The following CAMTA1 variants were observed in gnomAD, a reference collection of about 807,000 sequenced individuals.
CAMTA1 encodes the protein calmodulin binding transcription activator 1, also known as calmodulin-binding transcription activator 1.
A neutral mutation model predicts 170.9 loss-of-function variants in CAMTA1; 27 were observed. The ratio of observed to expected loss-of-function variants is 0.16; its 90% CI spans 0.12 to 0.22. The LOEUF (loss-of-function observed/expected upper bound fraction) is 0.22, where lower values mean the gene tolerates loss of function less well. CAMTA1 is among the 10% of genes least tolerant of loss of function. The probability of loss-of-function intolerance (pLI) is 1.00; values close to 1 mark genes in which losing one functional copy is unlikely to be tolerated. For synonymous variants in CAMTA1, 833 were observed against 891.5 expected, an observed-to-expected ratio of 0.93 and a Z score of 1.17; for missense variants, 1,619 against 2,217.2, an observed-to-expected ratio of 0.73 and a Z score of 5.42.
chr1:7,237,633 C>T (rs1664127772), intron 4 of CAMTA1, among the ~76,000 whole-genome samples: 2 of 152,220 alleles, frequency 1.3e-5, no homozygotes, highest in South Asian at 2.1e-4. Context: ...ACACGCAAAA[C>T]GTCTCAAGAA....
chr1:7,460,615 C>T (rs2093062098), intron 5 of CAMTA1, among the ~76,000 whole-genome samples: 1 of 151,822 alleles, frequency 6.6e-6, no homozygotes, highest in South Asian at 2.1e-4. Context: ...CCCAGCCTGC[C>T]CCCAGTTCTG....
At chr1:7,186,228 G>C (rs1454421252) in intron 4 of CAMTA1, among the ~76,000 whole-genome samples, 2 of 152,126 alleles carry the variant, frequency 1.3e-5, no homozygotes, top group East Asian at 3.9e-4. Flanking sequence ...AAGACATTTG[G>C]GGAATCTGGG....
chr1:7,722,381 GA>G (rs2096655181), intron 11 of CAMTA1, among the ~76,000 whole-genome samples: 1 of 152,202 alleles, frequency 6.6e-6, no homozygotes. Flanking sequence ...ACACTTCGTG[GA>G]ACAGCTGTGA....
intron 6 of CAMTA1, among the ~76,000 whole-genome samples, chr1:7,613,264 C>T (rs1281115706): frequency 6.6e-6 from 1 of 152,210 alleles, no homozygotes; most frequent in African/African-American, 2.4e-5. Context: ...TCACTGACCC[C>T]CTCCCGACAC....
intron 5 of CAMTA1, among the ~76,000 whole-genome samples, chr1:7,394,873 TTTTTTTTTC>T (rs1241780755): frequency 7.2e-5 from 3 of 41,546 alleles, no homozygotes; most frequent in Non-Finnish European, 2.8e-4. Context: ...GTGGTGTTTC[TTTTTTTTTC>T]TTTTTTTTTT....
intron 3 of CAMTA1, among the ~76,000 whole-genome samples, chr1:6,961,848 G>T (rs539985655): frequency 6.6e-6 from 1 of 152,366 alleles, no homozygotes; most frequent in East Asian, 1.9e-4. Context: ...ACTAGAAGGG[G>T]CGTCTGGCTG....
chr1:7,213,889 G>A (rs916050724), intron 4 of CAMTA1, among the ~76,000 whole-genome samples: 1 of 152,132 alleles, frequency 6.6e-6, no homozygotes, highest in Non-Finnish European at 1.5e-5. Context: ...ATAGTTTGCT[G>A]AGAATGATGT....
chr1:7,591,120 T>G (rs967144256), intron 6 of CAMTA1, among the ~76,000 whole-genome samples: 1 of 152,130 alleles, frequency 6.6e-6, no homozygotes, highest in Non-Finnish European at 1.5e-5. Context: ...ACTGAAGTAT[T>G]TCTGTGCAGT....
At chr1:7,288,212 C>T (rs191795122) in intron 5 of CAMTA1, among the ~76,000 whole-genome samples, 140 of 152,328 alleles carry the variant, frequency 9.2e-4, no homozygotes, top group African/African-American at 3.2e-3. Flanking sequence ...TAGCGCTCTG[C>T]GTGCTGGGCA....
intron 3 of CAMTA1, among the ~76,000 whole-genome samples, chr1:6,957,549 C>T (rs940846751): frequency 6.0e-5 from 9 of 150,960 alleles, no homozygotes; most frequent in South Asian, 2.1e-4. Flanking sequence ...CCCCTTCCTC[C>T]GTCGTCAAAG....
rs1672305288 is a variant in CAMTA1 at position 7,286,069 on chromosome 1, G to T, written c.438+36443G>T. ...GAGCCTGCTGTGTGCCAAGCACCAT[G>T]CCAGATTCTGAAGACTCAGGGACCA... On this transcript the variant is annotated intron_variant, in intron 5 of 22. Transcript: ENST00000303635. This position sits in a 1 kb window ranked among gnomAD's most constrained non-coding sequence, Gnocchi z 4.2. Among the ~76,000 whole-genome samples, 1 of 152,186 alleles carries T rather than the reference G, an allele frequency of 6.6e-6. No homozygotes were observed.
chr1:7,387,105 CTCACCCAT>C (rs1234917008), intron 5 of CAMTA1, among the ~76,000 whole-genome samples: 1 of 152,118 alleles, frequency 6.6e-6, no homozygotes, highest in East Asian at 1.9e-4. Context: ...CTGGGTGGAA[CTCACCCAT>C]TCCCATGGCT....
chr1:6,899,978 T>G (rs1380887764), intron 3 of CAMTA1, among the ~76,000 whole-genome samples: 1 of 152,252 alleles, frequency 6.6e-6, no homozygotes, highest in Admixed American at 6.5e-5. Context: ...GTCAGTTACC[T>G]ATAATTGAGA....
chr1:6,801,512 C>T (rs759120867), intron 1 of CAMTA1, among the ~76,000 whole-genome samples: 28 of 152,066 alleles, frequency 1.8e-4, no homozygotes, highest in Non-Finnish European at 2.4e-4. Flanking sequence ...GGAACATAAA[C>T]ACTTGTTTAA....
intron 6 of CAMTA1, among the ~76,000 whole-genome samples, chr1:7,604,463 T>G (rs2150600094): frequency 6.6e-6 from 1 of 152,374 alleles, no homozygotes; most frequent in South Asian, 2.1e-4. Flanking sequence ...TTCTTCCAGT[T>G]GATCGAATCA....
intron 11 of CAMTA1, among the ~76,000 whole-genome samples, chr1:7,711,140 C>T (rs911723050): frequency 1.3e-5 from 2 of 152,164 alleles, no homozygotes; most frequent in Non-Finnish European, 2.9e-5. Context: ...TGATGAGGGT[C>T]ACTTCTGAGT....
intron 6 of CAMTA1, among the ~76,000 whole-genome samples, chr1:7,591,699 A>T (rs905327692): frequency 2.0e-5 from 3 of 152,138 alleles, no homozygotes; most frequent in African/African-American, 7.2e-5. Context: ...TGCGCCCTGC[A>T]CTGTTTGGTT....
intron 12 of CAMTA1, among the ~76,000 whole-genome samples, chr1:7,733,219 A>G (rs984941459): frequency 3.3e-5 from 5 of 152,028 alleles, no homozygotes; most frequent in African/African-American, 7.2e-5. Flanking sequence ...AGAAGAAGAA[A>G]AAAAAAGGCC....
chr1:7,484,976 G>A (rs1329537012), intron 6 of CAMTA1, among the ~76,000 whole-genome samples: 1 of 152,094 alleles, frequency 6.6e-6, no homozygotes, highest in African/African-American at 2.4e-5. Flanking sequence ...AGCATTCACA[G>A]CCAAAGACCT....
Sources: gnomAD v4.1 joint callset for allele counts (sites outside exome capture counted in the v4.1 genomes callset) on GRCh38, gnomAD v4.1.1 for gene constraint, Gnocchi (gnomAD v3.1) non-coding constraint, MANE v1.5 for transcripts, NCBI Gene and HGNC (gene_info 2026-07-23, HGNC 2026-07-21) for gene names.